MAN1C1: variants seen among roughly 807,000 people sequenced by gnomAD.
MAN1C1 encodes mannosyl-oligosaccharide 1,2-alpha-mannosidase IC.
A neutral mutation model predicts 71.5 loss-of-function variants in MAN1C1; 49 were observed. That is an observed-to-expected ratio of 0.69 (90% CI 0.54 to 0.87). The LOEUF (loss-of-function observed/expected upper bound fraction) is 0.87, where lower values mean the gene tolerates loss of function less well. Ranked by LOEUF, MAN1C1 falls within the 40% of genes least tolerant of loss-of-function variation. The pLI is 0.00. For synonymous variants in MAN1C1, 352 were observed against 343.7 expected (o/e 1.02, Z -0.27); for missense variants, 743 against 835.0 (o/e 0.89, Z 1.36).
rs1572096391 is a variant in MAN1C1 at position 25,617,842 on chromosome 1, G to T, written c.45G>T (p.Trp15Cys). The T allele has an allele frequency of 6.2e-7, 1 of 1,606,094 alleles. No homozygotes were observed. Among genetic ancestry groups the T allele is most frequent in the Non-Finnish European group, 8.5e-7 (1 of 1,177,270 alleles). ...CCGGCTTCGTCCCGGCCTCCCCGTGGGGGCTGCGGCTGCCGCAGAAGTTCC... is the reference window on the plus strand; with the variant it reads ...CCGGCTTCGTCCCGGCCTCCCCGTGTGGGCTGCGGCTGCCGCAGAAGTTCC... ...KVPGFVPASP[W>C]GLRLPQKFLF... is the part of the protein sequence containing the mutation. Residue 15 changes from tryptophan (W) to cysteine (C), a missense_variant, in exon 1 of 12, where the codon TGG becomes TGT. By Grantham distance (215) the Trp-to-Cys change is radical (BLOSUM62 -2). Transcript: ENST00000374332. This position sits in a 1 kb window ranked among gnomAD's most constrained non-coding sequence, Gnocchi z 5.1.
intron 2 of MAN1C1, among the ~76,000 whole-genome samples, chr1:25,698,476 C>T (rs1350564059): frequency 6.6e-6 from 1 of 152,164 alleles, no homozygotes; most frequent in Non-Finnish European, 1.5e-5. Flanking sequence ...CCATGCGCTA[C>T]AGACTGTTTA....
At chr1:25,770,448 GTCTT>G (rs1237349991) in intron 7 of MAN1C1, among the ~76,000 whole-genome samples, 2 of 152,124 alleles carry the variant, frequency 1.3e-5, no homozygotes, top group African/African-American at 4.8e-5. Flanking sequence ...CCTCACATTT[GTCTT>G]TCTTTCTCTA....
chr1:25,618,842 A>G (rs555058000), intron 1 of MAN1C1, among the ~76,000 whole-genome samples: 3 of 152,120 alleles, frequency 2.0e-5, no homozygotes, highest in Admixed American at 6.6e-5. Flanking sequence ...TCCTGCAAAT[A>G]TTTTGTAATC....
rs1214714715 is a variant in MAN1C1, at chr1:25,718,019, CACACACAT to C, written c.638-28647_638-28640del. On this transcript the variant is annotated intron_variant, in intron 2 of 11. Transcript: ENST00000374332. ...TTATTTACACACACACACACACACACACACACATAGCCATTCCCCCATTCTTTCCATTA... is the reference window on the plus strand; with the variant it reads ...TTATTTACACACACACACACACACACAGCCATTCCCCCATTCTTTCCATTA... Among the ~76,000 whole-genome samples the C allele has an allele frequency of 2.0e-5, 3 of 152,092 alleles. No individual in the cohort carries two copies. The East Asian group carries it at 5.8e-4, about 29-fold the overall frequency.
intron 2 of MAN1C1, among the ~76,000 whole-genome samples, chr1:25,740,095 A>T (rs936671239): frequency 1.3e-4 from 20 of 152,160 alleles, no homozygotes; most frequent in African/African-American, 4.8e-4. Flanking sequence ...GAGAAGACAG[A>T]GTGGCTGGGA....
intron 1 of MAN1C1, among the ~76,000 whole-genome samples, chr1:25,638,754 C>T (rs1057493617): frequency 3.9e-5 from 6 of 152,136 alleles, no homozygotes; most frequent in Non-Finnish European, 7.4e-5. Flanking sequence ...GGATATTCCC[C>T]TGCATGTGCT....
chr1:25,723,829 A>AGTG (rs1481424354), intron 2 of MAN1C1, among the ~76,000 whole-genome samples: 1 of 152,136 alleles, frequency 6.6e-6, no homozygotes, highest in African/African-American at 2.4e-5. Flanking sequence ...GTCTGTTCTA[A>AGTG]GTGGTGCTTG....
intron 1 of MAN1C1, among the ~76,000 whole-genome samples, chr1:25,671,621 G>A (rs1277247377): frequency 6.6e-6 from 1 of 152,166 alleles, no homozygotes; most frequent in African/African-American, 2.4e-5. Flanking sequence ...GTGCTGTGGT[G>A]GAATGGAAAA....
chr1:25,651,171 A>G (rs1225684551), intron 1 of MAN1C1, among the ~76,000 whole-genome samples: 1 of 152,218 alleles, frequency 6.6e-6, no homozygotes, highest in Non-Finnish European at 1.5e-5. Flanking sequence ...CTGCAATTCT[A>G]GAGCACCAGT....
At position 25,634,819 on chromosome 1, in the gene MAN1C1, C is replaced by CA. The variant is rs1014449300; in HGVS notation, c.540+16491dup. On this transcript the variant is annotated intron_variant, in intron 1 of 11. Coordinates refer to ENST00000374332, the MANE Select transcript of MAN1C1 (RefSeq NM_020379.4). This position sits in a 1 kb window ranked among gnomAD's most constrained non-coding sequence, Gnocchi z 4.6. ...TGGGCAACAGAGCGAGACTCTGTCT[C>CA]AAAAAAAAATAATAATAAAATAAAA... is the stretch of plus-strand genomic sequence containing the variant. Among the ~76,000 whole-genome samples, 38 of 148,020 alleles carry CA rather than the reference C, an allele frequency of 2.6e-4. No individual in the cohort carries two copies. The highest frequency in any genetic ancestry group is 7.8e-4 in the African/African-American group (31 of 39,948).
At chr1:25,774,314 C>A (rs1241182758) in intron 8 of MAN1C1, among the ~76,000 whole-genome samples, 1 of 152,170 alleles carries the variant, frequency 6.6e-6, no homozygotes, top group Non-Finnish European at 1.5e-5. Context: ...GTCACTTTGG[C>A]CTCCTCTGAG....
chr1:25,718,023 CACAT>C (rs1276028452), intron 2 of MAN1C1, among the ~76,000 whole-genome samples: 1 of 152,088 alleles, frequency 6.6e-6, no homozygotes, highest in African/African-American at 2.4e-5. Flanking sequence ...CACACACACA[CACAT>C]AGCCATTCCC....
chr1:25,662,348 A>G lies in MAN1C1; in HGVS notation c.541-24092A>G, dbSNP rs111567804. On this transcript the variant is annotated intron_variant, in intron 1 of 11. Transcript: ENST00000374332. ...AGCCTTCATTCTTTGACATCAGGCAAGTGAATCCAGACTCCTCAGCATTTG... is the reference window on the plus strand; with the variant it reads ...AGCCTTCATTCTTTGACATCAGGCAGGTGAATCCAGACTCCTCAGCATTTG... Among the ~76,000 whole-genome samples the G allele has an allele frequency of 6.2e-3, 940 of 152,250 alleles. 14 individuals carry two copies. The highest frequency in any genetic ancestry group is 0.022 in the African/African-American group (899 of 41,552).
At chr1:25,733,295 C>G (rs899115950) in intron 2 of MAN1C1, among the ~76,000 whole-genome samples, 1 of 152,166 alleles carries the variant, frequency 6.6e-6, no homozygotes, top group Admixed American at 6.5e-5. Context: ...ACTCATCATA[C>G]AGCAGCCAGT....
In MAN1C1 at chr1:25,776,809, G is replaced by A. The variant is rs1189736069; in HGVS notation, c.1258-1296G>A. 6.6e-6 allele frequency among the ~76,000 whole-genome samples: 1 copy of A among 152,156 alleles called. No individual in the cohort carries two copies. The highest frequency in any genetic ancestry group is 1.5e-5 in the Non-Finnish European group (1 of 68,028). ...GGAGGGGCAGGAGACAGACTAGAGT[G>A]GAATCATAGGGGTCAGTAATTAGTG... On this transcript the variant is annotated intron_variant, in intron 8 of 11. Coordinates refer to ENST00000374332, the MANE Select transcript of MAN1C1 (RefSeq NM_020379.4). The surrounding 1 kb of genome is among the most constrained non-coding windows in gnomAD (Gnocchi z 4.3).
At chr1:25,630,251 G>T (rs1015369322) in intron 1 of MAN1C1, among the ~76,000 whole-genome samples, 3 of 151,908 alleles carry the variant, frequency 2.0e-5, no homozygotes, top group Non-Finnish European at 4.4e-5. Context: ...CTTTTCCATG[G>T]GTCTATGTGC....
At chr1:25,761,126 T>G (rs896052352) in intron 6 of MAN1C1, 1 of 152,238 alleles carries the variant, frequency 6.6e-6, no homozygotes, top group African/African-American at 2.4e-5. Context: ...TACACTGAGA[T>G]AATCCCTTGT....
At chr1:25,666,908 G>A (rs139196103) in intron 1 of MAN1C1, among the ~76,000 whole-genome samples, 3 of 152,002 alleles carry the variant, frequency 2.0e-5, no homozygotes, top group Non-Finnish European at 2.9e-5. Flanking sequence ...ATGGGCCGTG[G>A]GTTCATTTGT....
chr1:25,716,344 T>A (rs769257533), intron 2 of MAN1C1, among the ~76,000 whole-genome samples: 3 of 152,296 alleles, frequency 2.0e-5, no homozygotes, highest in Middle Eastern at 3.4e-3. Context: ...TTAGTTTTGT[T>A]CTTTTTGAGA....
Sources: allele counts gnomAD v4.1 joint callset (sites outside exome capture counted in the v4.1 genomes callset), GRCh38; gene constraint gnomAD v4.1.1; non-coding constraint Gnocchi (gnomAD v3.1); transcripts MANE v1.5; gene names NCBI Gene and HGNC (gene_info 2026-07-23, HGNC 2026-07-21).